Variants in XPR1 observed in about 807,000 individuals in gnomAD.
XPR1 encodes xenotropic and polytropic retrovirus receptor 1, also known as solute carrier family 53 member 1.
XPR1 carries 28 observed loss-of-function variants against 87.5 expected under a neutral mutation model. The ratio of observed to expected loss-of-function variants is 0.32; its 90% CI spans 0.24 to 0.44. The LOEUF (loss-of-function observed/expected upper bound fraction) is 0.44. Among genes scored for constraint, XPR1 ranks in the 20% least tolerant of loss-of-function variants. The pLI, the probability that XPR1 is intolerant of heterozygous loss-of-function variation, is 1.00. For synonymous variants in XPR1, 300 were observed against 306.1 expected (o/e 0.98, Z 0.21); for missense variants, 559 against 862.3 (o/e 0.65, Z 4.41).
chr1:180,873,076 A>G (rs1652555834), intron 12 of XPR1, among the ~76,000 whole-genome samples: 1 of 152,096 alleles, frequency 6.6e-6, no homozygotes, highest in Admixed American at 6.5e-5. Flanking sequence ...CAAAAATTTC[A>G]CATTCATTAA....
chr1:180,656,355 TTA>T (rs557305445), intron 1 of XPR1, among the ~76,000 whole-genome samples: 2,178 of 111,266 alleles, frequency 0.02, 111 homozygotes, highest in African/African-American at 0.053. Context: ...TATTTAATAT[TTA>T]TATATATAAT....
intron 2 of XPR1, among the ~76,000 whole-genome samples, chr1:180,759,493 G>A (rs1379652650): frequency 3.3e-5 from 5 of 152,108 alleles, no homozygotes; most frequent in Non-Finnish European, 7.3e-5. Flanking sequence ...ACACCTCTAC[G>A]CACATAAACT....
chr1:180,685,911 A>G lies in XPR1; in HGVS notation c.121+3500A>G, dbSNP rs535796965. On this transcript the variant is annotated intron_variant, in intron 2 of 14. Coordinates refer to ENST00000367590, the MANE Select transcript of XPR1 (RefSeq NM_004736.4). ...TTATTAGTCTTACTAGTGGTCTATC[A>G]ATTTTGTTGATCTTTTCAAAAAACC... is the stretch of plus-strand genomic sequence containing the variant. 2.9e-3 allele frequency among the ~76,000 whole-genome samples: 437 copies of G among 151,850 alleles called. 4 individuals carry two copies. Among genetic ancestry groups the G allele is most frequent in the Non-Finnish European group, 5.5e-3 (371 of 67,894 alleles).
rs183608618 is a variant in XPR1, at chr1:180,709,588, A to G, written c.121+27177A>G. 4.0e-3 allele frequency among the ~76,000 whole-genome samples: 609 copies of G among 152,292 alleles called. 4 individuals carry two copies. The highest frequency in any genetic ancestry group is 3.9e-3 in the Non-Finnish European group (267 of 68,012). On this transcript the variant is annotated intron_variant, in intron 2 of 14. Transcript: ENST00000367590. ...TTGTCTGGCTTCTTTCAGTCAACCT[A>G]ATTATTTTGAGATTCCAAAGTAGCA...
At chr1:180,638,284 TAATA>T (rs774095426) in intron 1 of XPR1, among the ~76,000 whole-genome samples, 1 of 152,204 alleles carries the variant, frequency 6.6e-6, no homozygotes, top group African/African-American at 2.4e-5. Flanking sequence ...TGGGTATAAT[TAATA>T]AATAAATATG....
At chr1:180,778,128 A>G (rs898272109) in intron 2 of XPR1, among the ~76,000 whole-genome samples, 1 of 151,996 alleles carries the variant, frequency 6.6e-6, no homozygotes, top group Non-Finnish European at 1.5e-5. Flanking sequence ...CCACAGGTGC[A>G]CGCTACCACA....
chr1:180,742,529 A>G (rs1481741406), intron 2 of XPR1, among the ~76,000 whole-genome samples: 2 of 152,088 alleles, frequency 1.3e-5, no homozygotes, highest in Non-Finnish European at 2.9e-5. Flanking sequence ...GGTAAGGCTT[A>G]TTTTATGACC....
In XPR1 at chr1:180,888,716, G is replaced by T. The variant is rs138796198; in HGVS notation, c.*4650G>T. On this transcript the variant is annotated 3_prime_UTR_variant, in exon 15 of 15. Coordinates refer to ENST00000367590, the MANE Select transcript of XPR1 (RefSeq NM_004736.4). ...AGGTTTTCTAAATGCAAACACATAC[G>T]TTTCTGCATTTCAGAAGTCAGTCTT... 8 of 152,262 alleles carry T rather than the reference G, an allele frequency of 5.3e-5. No individual in the cohort carries two copies. In the East Asian group the frequency reaches 1.5e-3, roughly 29 times the overall value. 9.4% of individuals were successfully genotyped at this position (152,262 alleles called of 1,614,324 possible). A position where few individuals can be genotyped will look rare whatever the true frequency, so the allele number is the denominator to read the frequency against.
intron 2 of XPR1, among the ~76,000 whole-genome samples, chr1:180,711,215 G>A (rs1315019133): frequency 6.6e-5 from 10 of 151,098 alleles, no homozygotes; most frequent in Non-Finnish European, 7.4e-5. Flanking sequence ...ACAGGGTGGC[G>A]GCCGGGCAGA....
At chr1:180,825,821 C>T (rs963033157) in intron 9 of XPR1, among the ~76,000 whole-genome samples, 7 of 152,168 alleles carry the variant, frequency 4.6e-5, no homozygotes, top group African/African-American at 1.4e-4. Context: ...GAAGCCAAGG[C>T]GGGTGGATCA....
chr1:180,837,268 T>C lies in XPR1; in HGVS notation c.1501+552T>C, dbSNP rs559073603. ...TTCTGAGCCACATGCAGCCACTCCTTTTGAATTTTTAACCTTTTTCCAAGA... is the reference window on the plus strand; with the variant it reads ...TTCTGAGCCACATGCAGCCACTCCTCTTGAATTTTTAACCTTTTTCCAAGA... On this transcript the variant is annotated intron_variant, in intron 11 of 14. Transcript: ENST00000367590. Among the ~76,000 whole-genome samples, 26 of 152,308 alleles carry C rather than the reference T, an allele frequency of 1.7e-4. 1 individual carries two copies. The highest frequency in any genetic ancestry group is 5.8e-4 in the African/African-American group (24 of 41,566).
intron 1 of XPR1, among the ~76,000 whole-genome samples, chr1:180,673,885 A>T (rs531287967): frequency 1.3e-5 from 2 of 152,202 alleles, no homozygotes; most frequent in African/African-American, 4.8e-5. Flanking sequence ...TTGTTTTGCT[A>T]TTGGTTCCAG....
chr1:180,722,341 G>A (rs989587537), intron 2 of XPR1, among the ~76,000 whole-genome samples: 4 of 152,128 alleles, frequency 2.6e-5, no homozygotes, highest in Admixed American at 1.3e-4. Context: ...TGATCTACCC[G>A]CCTTGGCCTC....
At chr1:180,748,936 C>T (rs545598968) in intron 2 of XPR1, among the ~76,000 whole-genome samples, 2 of 152,362 alleles carry the variant, frequency 1.3e-5, no homozygotes, top group South Asian at 4.1e-4. Flanking sequence ...AGGTGGCTCA[C>T]GCCTATAATC....
At position 180,880,289 on chromosome 1, in the gene XPR1, C is replaced by T. The variant is rs139942225; in HGVS notation, c.2022C>T (p.Leu674=). ...GCATATCCCTGCGCCGGCCTCGCCT[C>T]GCTTCTCAGTATGTATGGCTTCTAC... ...NQSISLRRPR[L]ASQSKARDTK... The change falls in exon 14 of 15, where the codon CTC becomes CTT. Residue 674 remains leucine, a synonymous_variant. Coordinates refer to ENST00000367590, the MANE Select transcript of XPR1 (RefSeq NM_004736.4). 1.5e-5 allele frequency: 24 copies of T among 1,614,060 alleles called. No homozygotes were observed. The highest frequency in any genetic ancestry group is 8.3e-5 in the Admixed American group (5 of 59,998).
intron 14 of XPR1, among the ~76,000 whole-genome samples, chr1:180,882,049 T>C (rs920427082): frequency 7.2e-5 from 11 of 152,178 alleles, no homozygotes; most frequent in Non-Finnish European, 1.6e-4. Flanking sequence ...TAAGTGTGAT[T>C]GGTGACCTCA....
At chr1:180,816,593 G>A (rs1650421362) in intron 7 of XPR1, among the ~76,000 whole-genome samples, 1 of 152,162 alleles carries the variant, frequency 6.6e-6, no homozygotes, top group Non-Finnish European at 1.5e-5. Flanking sequence ...TTGGTCAGCA[G>A]CAGACTGCAG....
intron 3 of XPR1, among the ~76,000 whole-genome samples, chr1:180,791,846 A>G (rs189596749): frequency 1.5e-3 from 233 of 152,348 alleles, no homozygotes; most frequent in African/African-American, 5.4e-3. Flanking sequence ...AGTTTGAAAC[A>G]TGATTTCTTT....
intron 11 of XPR1, among the ~76,000 whole-genome samples, chr1:180,840,560 GTGTGTGTATATATATATA>G (rs895510851): frequency 7.4e-6 from 1 of 135,400 alleles, no homozygotes; most frequent in African/African-American, 2.9e-5. Flanking sequence ...GTGTGTGTGT[GTGTGTGTATATATATATA>G]TATATATATA....
Sources: gnomAD v4.1 joint callset for allele counts (sites outside exome capture counted in the v4.1 genomes callset) on GRCh38, gnomAD v4.1.1 for gene constraint, MANE v1.5 for transcripts, NCBI Gene and HGNC (gene_info 2026-07-23, HGNC 2026-07-21) for gene names.